Variants in PRKN observed in about 807,000 individuals in gnomAD.
PRKN encodes parkin RBR E3 ubiquitin protein ligase.
In PRKN, 56 loss-of-function variants were observed where a neutral mutation model predicts 59.5. The observed-to-expected ratio is 0.94, with a 90% CI of 0.76 to 1.18. The LOEUF (loss-of-function observed/expected upper bound fraction) is 1.18, where lower values mean the gene tolerates loss of function less well. Ranked by LOEUF, PRKN falls within the 50% of genes most tolerant of loss-of-function variation. PRKN has a pLI of 0.00. For synonymous variants in PRKN, 250 were observed against 222.1 expected (o/e 1.13, Z -1.12); for missense variants, 657 against 596.4 (o/e 1.10, Z -1.06).
chr6:162,509,859 G>T (rs1777515679), intron 1 of PRKN, among the ~76,000 whole-genome samples: 1 of 152,154 alleles, frequency 6.6e-6, no homozygotes, highest in Non-Finnish European at 1.5e-5. Context: ...CTGAGGACTG[G>T]ATGGCCCTGC....
At chr6:162,253,456 C>A (rs1177125727) in intron 3 of PRKN, among the ~76,000 whole-genome samples, 6 of 152,130 alleles carry the variant, frequency 3.9e-5, no homozygotes, top group Non-Finnish European at 7.4e-5. Context: ...TGAATAAAAG[C>A]TATGGTTCTA....
intron 7 of PRKN, among the ~76,000 whole-genome samples, chr6:161,589,873 T>C (rs1781654683): frequency 6.6e-6 from 1 of 151,170 alleles, no homozygotes; most frequent in South Asian, 2.1e-4. Context: ...TCCACCTCCT[T>C]GGTTCAAATG....
chr6:161,995,699 G>A (rs1168711210), intron 5 of PRKN, among the ~76,000 whole-genome samples: 1 of 151,996 alleles, frequency 6.6e-6, no homozygotes, highest in Non-Finnish European at 1.5e-5. Flanking sequence ...AGTCCAAACA[G>A]CAATAAGATA....
intron 2 of PRKN, among the ~76,000 whole-genome samples, chr6:162,306,894 C>T (rs1213972126): frequency 2.0e-5 from 3 of 152,152 alleles, no homozygotes; most frequent in Non-Finnish European, 4.4e-5. Flanking sequence ...CCGATGGACA[C>T]GATCACCAGT....
chr6:161,673,612 C>G (rs559382552), intron 7 of PRKN, among the ~76,000 whole-genome samples: 4 of 152,294 alleles, frequency 2.6e-5, no homozygotes, highest in African/African-American at 9.6e-5. Context: ...AATGACTGCT[C>G]TGGCATCTGT....
chr6:162,602,888 C>A (rs1265322067), intron 1 of PRKN, among the ~76,000 whole-genome samples: 1 of 152,058 alleles, frequency 6.6e-6, no homozygotes, highest in Non-Finnish European at 1.5e-5. Flanking sequence ...CTTGGCTTGG[C>A]GATGCAGAAA....
chr6:161,746,756 TATCTATATAG>T (rs1788443705), intron 7 of PRKN, among the ~76,000 whole-genome samples: 1 of 147,440 alleles, frequency 6.8e-6, no homozygotes, highest in Non-Finnish European at 1.5e-5. Context: ...TGCACATATA[TATCTATATAG>T]ATATATATGT....
At chr6:162,103,421 A>C (rs1780060498) in intron 4 of PRKN, among the ~76,000 whole-genome samples, 1 of 152,180 alleles carries the variant, frequency 6.6e-6, no homozygotes, top group Non-Finnish European at 1.5e-5. Context: ...AAGAAACTGA[A>C]AGGTAAAGCA....
chr6:162,671,876 G>T (rs888070448), intron 1 of PRKN, among the ~76,000 whole-genome samples: 5 of 152,082 alleles, frequency 3.3e-5, no homozygotes, highest in African/African-American at 1.2e-4. Flanking sequence ...GCTGAGAGGA[G>T]GAGAGAGGGG....
rs111356273 is a variant in PRKN, at chr6:162,443,456, A to C, written c.25T>G (p.Ser9Ala). 1 of 1,614,138 alleles carries C rather than the reference A, an allele frequency of 6.2e-7. No homozygotes were observed. The highest frequency in any genetic ancestry group is 2.2e-5 in the East Asian group (1 of 44,870). MIVFVRFN[S>A]SHGFPVEVDS... ...ACCTCCACTGGGAAACCATGGCTGG[A>C]GTTGAACCTGACAAACACTGACCAA... is the stretch of plus-strand genomic sequence containing the variant. The change falls in exon 2 of 12, where the codon TCC becomes GCC. Residue 9 changes from serine (S) to alanine (A), a missense_variant. Transcript: ENST00000366898.
intron 6 of PRKN, among the ~76,000 whole-genome samples, chr6:161,806,888 G>T (rs1021830070): frequency 6.6e-6 from 1 of 152,148 alleles, no homozygotes; most frequent in African/African-American, 2.4e-5. Context: ...TTGAGAACAT[G>T]TGAAATTTTT....
At chr6:161,968,394 C>T (rs777206462) in intron 6 of PRKN, among the ~76,000 whole-genome samples, 3 of 152,020 alleles carry the variant, frequency 2.0e-5, no homozygotes, top group Non-Finnish European at 4.4e-5. Flanking sequence ...GGGAAGGAAG[C>T]CTAGAGGTGG....
chr6:162,316,912 T>C (rs1782776139), intron 2 of PRKN, among the ~76,000 whole-genome samples: 1 of 152,048 alleles, frequency 6.6e-6, no homozygotes, highest in Admixed American at 6.6e-5. Context: ...ATTATAGAAA[T>C]TCAAAGAATC....
At chr6:161,909,068 CTGTT>C (rs1326335256) in intron 6 of PRKN, among the ~76,000 whole-genome samples, 1 of 152,160 alleles carries the variant, frequency 6.6e-6, no homozygotes, top group Non-Finnish European at 1.5e-5. Context: ...CGAGGCTCTC[CTGTT>C]TGTTGGTACT....
chr6:161,633,405 T>C (rs143668536), intron 7 of PRKN, among the ~76,000 whole-genome samples: 3 of 152,228 alleles, frequency 2.0e-5, no homozygotes, highest in African/African-American at 2.4e-5. Flanking sequence ...CTTAGCAACA[T>C]TGAATCCTTA....
At chr6:162,226,252 A>G (rs1778175313) in intron 3 of PRKN, among the ~76,000 whole-genome samples, 1 of 152,060 alleles carries the variant, frequency 6.6e-6, no homozygotes, top group Admixed American at 6.6e-5. Flanking sequence ...GGCAGACAAG[A>G]CAGAGGCAGA....
At chr6:161,958,175 C>T (rs576237423) in intron 6 of PRKN, among the ~76,000 whole-genome samples, 5 of 152,190 alleles carry the variant, frequency 3.3e-5, no homozygotes, top group South Asian at 2.1e-4. Flanking sequence ...GAGATAAAGA[C>T]GCTTGCATTT....
At position 161,630,865 on chromosome 6, in the gene PRKN, A is replaced by G. The variant is rs117689583; in HGVS notation, c.872-61449T>C. Among the ~76,000 whole-genome samples the G allele has an allele frequency of 5.0e-3, 762 of 152,358 alleles. 13 individuals carry two copies. The East Asian group carries it at 0.057, about 11-fold the overall frequency. On this transcript the variant is annotated intron_variant, in intron 7 of 11. Coordinates refer to ENST00000366898, the MANE Select transcript of PRKN (RefSeq NM_004562.3). ...AGTCAACCACTTGGGAAAGAACCAC[A>G]TGACACAGGAAGTTCGAGTGTCTAA...
At chr6:161,496,305 T>G (rs6937817) in intron 9 of PRKN, among the ~76,000 whole-genome samples, 1 of 152,082 alleles carries the variant, frequency 6.6e-6, no homozygotes, top group Non-Finnish European at 1.5e-5. Flanking sequence ...CCCAGTACCT[T>G]GGAATGAGAT....
Sources: gnomAD v4.1 joint callset for allele counts (sites outside exome capture counted in the v4.1 genomes callset) on GRCh38, gnomAD v4.1.1 for gene constraint, MANE v1.5 for transcripts, NCBI Gene and HGNC (gene_info 2026-07-23, HGNC 2026-07-21) for gene names.